Variants in NR1I3 observed in about 807,000 individuals in gnomAD.
NR1I3 encodes the protein constitutive activator of retinoid response.
In NR1I3, 30 loss-of-function variants were observed where a neutral mutation model predicts 38.4. The ratio of observed to expected loss-of-function variants is 0.78; its 90% confidence interval spans 0.58 to 1.06. The LOEUF is 1.06. NR1I3 is among the 50% of genes least tolerant of loss of function. The pLI is 0.00. For missense variants in NR1I3, 388 were observed against 435.7 expected, an observed-to-expected ratio of 0.89 and a Z score of 0.97; for synonymous variants, 143 against 165.1, an observed-to-expected ratio of 0.87 and a Z score of 1.03.
At chr1:161,230,468 G>T in intron 8 of NR1I3, 1 of 492,218 alleles carries the variant, frequency 2.0e-6, no homozygotes, top group Non-Finnish European at 3.6e-6. Flanking sequence ...GAAAGGCCAA[G>T]GGAAGAGAAA....
At position 161,231,427 on chromosome 1, in the gene NR1I3, A is replaced by C. The variant is rs1177133589; in HGVS notation, c.596T>G (p.Val199Gly). ...DQISLLKGAAVEICHIVLNTT... is the reference protein window; with the variant it reads ...DQISLLKGAAGEICHIVLNTT... The stretch of plus-strand genomic sequence containing the variant: ...ATTGAGTACGATGTGACAGATTTCC[A>C]CAGCTGCTCCCTTGAGAAGGGAGAT... Residue 199 changes from valine to glycine, a missense_variant, in exon 6 of 9, where the codon GTG becomes GGG. By Grantham distance (109) the Val-to-Gly change is moderately radical (BLOSUM62 -3). Coordinates refer to ENST00000367983, the MANE Select transcript of NR1I3 (RefSeq NM_005122.5). The C allele has an allele frequency of 6.4e-7, 1 of 1,571,772 alleles. No homozygotes were observed. The highest frequency in any genetic ancestry group is 1.4e-5 in the African/African-American group (1 of 72,130).
chr1:161,232,998 A>G, intron 4 of NR1I3, 52 bp from the exon 5 acceptor site: 7 of 1,605,388 alleles, frequency 4.4e-6, no homozygotes, highest in Non-Finnish European at 6.0e-6. Flanking sequence ...GCCCTCCTTT[A>G]GGCCTCGCCA....
At position 161,231,191 on chromosome 1, in the gene NR1I3, T is replaced by C. The variant is rs201406656; in HGVS notation, c.737A>G (p.His246Arg). Residue 246 changes from histidine to arginine, a missense_variant, in exon 7 of 9, where the codon CAT (histidine) becomes CGT (arginine). By Grantham distance (29) the His-to-Arg change is conservative. Coordinates refer to ENST00000367983, the MANE Select transcript of NR1I3 (RefSeq NM_005122.5). Reference protein sequence around the residue: ...VEFLELLFHFHGTLRKLQLQE... With the variant: ...VEFLELLFHFRGTLRKLQLQE... ...GAGCTGCAGTTTTCGTAGTGTTCCA[T>C]GGAAGTGAAAGAGCAACTCCAAAAA... 1.2e-5 allele frequency: 20 copies of C among 1,614,046 alleles called. No individual in the cohort carries two copies. The East Asian group carries it at 3.1e-4, about 25-fold the overall frequency.
In NR1I3 at chr1:161,229,908, C is replaced by T. The variant is rs373127924; in HGVS notation, c.936G>A (p.Leu312=). 6.2e-7 allele frequency: 1 copy of T among 1,614,084 alleles called. No homozygotes were observed. The highest frequency in any genetic ancestry group is 1.3e-5 in the African/African-American group (1 of 74,936). ...TCCGGAGCTCAGCCAGCAGGCCTAGCAACTTCGCATACAGAAACCTTTGGA... is the reference window on the plus strand; with the variant it reads ...TCCGGAGCTCAGCCAGCAGGCCTAGTAACTTCGCATACAGAAACCTTTGGA... ...RPRDRFLYAK[L]LGLLAELRSI... is the part of the protein sequence containing the mutation. The change falls in exon 9 of 9, where the codon TTG becomes TTA. Residue 312 remains leucine (L), a synonymous_variant. Transcript: ENST00000367983.
chr1:161,233,244 T>G lies in NR1I3; in HGVS notation c.333A>C (p.Glu111Asp), dbSNP rs1052312022. The G allele has an allele frequency of 1.9e-6, 3 of 1,614,202 alleles. No homozygotes were observed. The Middle Eastern group carries it at 5.0e-4, about 266-fold the overall frequency. The part of the protein sequence containing the change: ...QTPVQLSKEQ[E>D]ELIRTLLGAH... ...CCCCCAGGAGTGTCCGGATCAGCTC[T>G]TCTTGCTCCTTACTCAGTTGCACAG... The change falls in exon 4 of 9, where the codon GAA becomes GAC. Residue 111 changes from glutamate (E) to aspartate (D), a missense_variant. Physicochemically the swap from Glu to Asp is conservative, Grantham distance 45. Coordinates refer to ENST00000367983, the MANE Select transcript of NR1I3 (RefSeq NM_005122.5).
intron 4 of NR1I3, 87 bp downstream of exon 4, chr1:161,233,081 AG>A (rs1667716226): frequency 3.8e-6 from 6 of 1,573,622 alleles, no homozygotes; most frequent in Non-Finnish European, 5.2e-6. Context: ...TCTCAGTATC[AG>A]TGCATGGCAT....
intron 3 of NR1I3, among the ~76,000 whole-genome samples, chr1:161,233,883 GTGTGTA>G (rs1322410036): frequency 0.035 from 4,305 of 123,602 alleles, 77 homozygotes; most frequent in African/African-American, 0.062. Flanking sequence ...GTGTGTGTGT[GTGTGTA>G]TATGTGTGTG....
At chr1:161,231,035 G>A (rs1384710128) in intron 7 of NR1I3, 82 bp downstream of exon 7, 4 of 1,612,984 alleles carry the variant, frequency 2.5e-6, no homozygotes, top group East Asian at 4.5e-5. Context: ...AGGCTAGAAG[G>A]CCTGGGTGGA....
rs570852621 is a variant in NR1I3, at chr1:161,233,427, C to A, written c.239-89G>T. On this transcript the variant is annotated intron_variant, in intron 3 of 8. Transcript: ENST00000367983. ...CCCTGATCTGGGGCCCCTCAGCTGCCCTGCACAACGAAGGATGGGGGCAGT... is the reference window on the plus strand; with the variant it reads ...CCCTGATCTGGGGCCCCTCAGCTGCACTGCACAACGAAGGATGGGGGCAGT... The A allele has an allele frequency of 2.1e-6, 3 of 1,410,874 alleles. No homozygotes were observed. In the South Asian group the frequency reaches 3.7e-5, roughly 17 times the overall value. 87.4% of individuals were successfully genotyped at this position (1,410,874 alleles called of 1,614,324 possible).
chr1:161,230,465 C>A, intron 8 of NR1I3: 1 of 485,646 alleles, frequency 2.1e-6, no homozygotes, highest in Non-Finnish European at 3.6e-6. Context: ...GAGGAAAGGC[C>A]AAGGGAAGAG....
rs1667234077 is a variant in NR1I3, at chr1:161,231,359, G to A, written c.664C>T (p.Leu222Phe). The A allele has an allele frequency of 1.3e-6, 2 of 1,563,104 alleles. No individual in the cohort carries two copies. Among genetic ancestry groups the A allele is most frequent in the Non-Finnish European group, 1.7e-6 (2 of 1,158,332 alleles). Residue 222 changes from leucine to phenylalanine, a missense_variant, in exon 6 of 9, where the codon CTT becomes TTT. Coordinates refer to ENST00000367983, the MANE Select transcript of NR1I3 (RefSeq NM_005122.5). ...LQTQNFLCGP[L>F]RYTIEDGARV... ...GCTCCATCTTCAATTGTGTAGCGAAGAGGCCCGCAGAGGAAGTTTTGTGTT... is the reference window on the plus strand; with the variant it reads ...GCTCCATCTTCAATTGTGTAGCGAAAAGGCCCGCAGAGGAAGTTTTGTGTT...
chr1:161,238,029 C>A lies in NR1I3; in HGVS notation c.-34+12G>T. The A allele has an allele frequency of 6.2e-7, 1 of 1,612,206 alleles. No homozygotes were observed. Among genetic ancestry groups the A allele is most frequent in the Non-Finnish European group, 8.5e-7 (1 of 1,178,250 alleles). ...ATTACATTTAGTCTTTGGTCCCCAACAGATTTCCTACCTGCTTCTCTTAGG... is the reference window on the plus strand; with the variant it reads ...ATTACATTTAGTCTTTGGTCCCCAAAAGATTTCCTACCTGCTTCTCTTAGG... On this transcript the variant is annotated intron_variant, in intron 1 of 8. Coordinates refer to ENST00000367983, the MANE Select transcript of NR1I3 (RefSeq NM_005122.5).
chr1:161,233,050 GCTGGGGTT>G (rs1571713022), intron 4 of NR1I3, 104 bp from the exon 5 acceptor site: 1 of 1,578,698 alleles, frequency 6.3e-7, no homozygotes, highest in Non-Finnish European at 8.6e-7. Context: ...GCCTGCTCAG[GCTGGGGTT>G]CTGGAGATCT....
intron 1 of NR1I3, among the ~76,000 whole-genome samples, 169 bp downstream of exon 1, chr1:161,237,872 A>G (rs897274113): frequency 2.0e-5 from 3 of 152,042 alleles, no homozygotes; most frequent in African/African-American, 4.8e-5. Context: ...TTTTGTAGAG[A>G]TGGGGTCTGT....
chr1:161,232,027 A>ACCCAGGCTGG (rs1667443524), intron 5 of NR1I3, among the ~76,000 whole-genome samples: 1 of 151,706 alleles, frequency 6.6e-6, no homozygotes, highest in South Asian at 2.1e-4. Flanking sequence ...TTGCTCTGTC[A>ACCCAGGCTGG]CCCAGGCTGG....
chr1:161,231,055 G>A, intron 7 of NR1I3, 62 bp downstream of exon 7: 1 of 1,613,590 alleles, frequency 6.2e-7, no homozygotes, highest in Non-Finnish European at 8.5e-7. Context: ...ATGGACTCAA[G>A]GAGCTGAGTA....
chr1:161,236,860 G>C (rs1045983215), intron 1 of NR1I3, among the ~76,000 whole-genome samples: 8 of 151,018 alleles, frequency 5.3e-5, no homozygotes, highest in African/African-American at 1.9e-4. Context: ...CTGAGTAGCA[G>C]GGACTACAGG....
chr1:161,230,706 A>C, intron 8 of NR1I3, 107 bp downstream of exon 8: 1 of 1,489,488 alleles, frequency 6.7e-7, no homozygotes, highest in Non-Finnish European at 9.2e-7. Flanking sequence ...ACGATACCTG[A>C]ATTCCCTAAG....
chr1:161,233,431 C>CACA (rs1333171084), intron 3 of NR1I3, 93 bp from the exon 4 acceptor site: 2 of 1,368,248 alleles, frequency 1.5e-6, no homozygotes, highest in African/African-American at 2.9e-5. Context: ...AGCTGCCCTG[C>CACA]ACAACGAAGG....
Sources: gnomAD v4.1 joint callset for allele counts (sites outside exome capture counted in the v4.1 genomes callset) on GRCh38, gnomAD v4.1.1 for gene constraint, MANE v1.5 for transcripts, NCBI Gene and HGNC (gene_info 2026-07-23, HGNC 2026-07-21) for gene names.